PCDHGA8: variants seen among roughly 807,000 people sequenced by gnomAD.
PCDHGA8 encodes protocadherin gamma-A8.
A neutral mutation model predicts 59.2 loss-of-function variants in PCDHGA8; 45 were observed. The observed-to-expected ratio is 0.76, with a 90% CI of 0.60 to 0.98. The LOEUF is 0.98. PCDHGA8 is among the 50% of genes least tolerant of loss of function. PCDHGA8 has a pLI of 0.00. For missense variants in PCDHGA8, 1,257 were observed against 1,196.2 expected, an observed-to-expected ratio of 1.05 and a Z score of -0.75; for synonymous variants, 531 against 519.0, an observed-to-expected ratio of 1.02 and a Z score of -0.32.
In PCDHGA8 at chr5:141,491,443, G is replaced by C. The variant is rs955584868; in HGVS notation, c.2425-3364G>C. On this transcript the variant is annotated intron_variant, in intron 1 of 3. Transcript: ENST00000398604. This position sits in a 1 kb window ranked among gnomAD's most constrained non-coding sequence, Gnocchi z 6.9. ...TGGAGGGCAGTGCTGCAGGCGCCAG[G>C]ACTCACCCTCCCCGGACTTCTATAA... 1 of 1,613,998 alleles carries C rather than the reference G, an allele frequency of 6.2e-7. No homozygotes were observed. Among genetic ancestry groups the C allele is most frequent in the Admixed American group, 1.7e-5 (1 of 60,000 alleles).
At chr5:141,408,812 G>T (rs1383299883) in intron 1 of PCDHGA8, 2 of 1,613,454 alleles carry the variant, frequency 1.2e-6, no homozygotes, top group Non-Finnish European at 8.5e-7. Context: ...AGACCGGGAA[G>T]AACAGAGATC....
rs533568792 is a variant in PCDHGA8 at position 141,393,506 on chromosome 5, A to G, written c.693A>G (p.Thr231=). The G allele has an allele frequency of 7.4e-6, 12 of 1,614,032 alleles. No individual in the cohort carries two copies. The East Asian group carries it at 2.5e-4, about 33-fold the overall frequency. ...PRSSTVRIHV[T]VLDTNDNAPV... ...CTAGCACAGTGCGCATCCACGTGAC[A>G]GTGTTGGATACAAATGACAATGCCC... Residue 231 remains threonine, a synonymous_variant, in exon 1 of 4, where the codon ACA becomes ACG. Transcript: ENST00000398604.
intron 1 of PCDHGA8, chr5:141,428,153 CT>C (rs2097116745): frequency 6.3e-7 from 1 of 1,581,370 alleles, no homozygotes; most frequent in Admixed American, 1.7e-5. Flanking sequence ...ACACGGGAAC[CT>C]GCTGGTTGCT....
At chr5:141,422,997 C>T (rs114907564) in intron 1 of PCDHGA8, 28,679 of 1,614,218 alleles carry the variant, frequency 0.018, 311 homozygotes, top group Non-Finnish European at 0.021. Context: ...ACCTGGTGAC[C>T]AAGGTGGTTG....
At position 141,493,332 on chromosome 5, in the gene PCDHGA8, C is replaced by T. The variant is rs2099747680; in HGVS notation, c.2425-1475C>T. 6.6e-6 allele frequency among the ~76,000 whole-genome samples: 1 copy of T among 152,210 alleles called. No homozygotes were observed. The highest frequency in any genetic ancestry group is 1.5e-5 in the Non-Finnish European group (1 of 68,036). Reference sequence around the variant, plus strand: ...AAGAGAGATTCTAACCCCTGTCTAACTCCAGAATGTGTGCTTTTAATTTCT... The same window carrying T: ...AAGAGAGATTCTAACCCCTGTCTAATTCCAGAATGTGTGCTTTTAATTTCT... On this transcript the variant is annotated intron_variant, in intron 1 of 3. Transcript: ENST00000398604. This position sits in a 1 kb window ranked among gnomAD's most constrained non-coding sequence, Gnocchi z 4.3.
At chr5:141,420,256 TAAG>T (rs749213635) in intron 1 of PCDHGA8, 12 of 1,569,010 alleles carry the variant, frequency 7.6e-6, no homozygotes, top group South Asian at 1.2e-5. Context: ...TTGAAGCAGA[TAAG>T]AAGATTCTTA....
At chr5:141,455,013 C>T (rs1468289988) in intron 1 of PCDHGA8, among the ~76,000 whole-genome samples, 2 of 151,130 alleles carry the variant, frequency 1.3e-5, no homozygotes, top group African/African-American at 4.9e-5. Context: ...GGGGTTTCAC[C>T]GTGTTAGCCA....
rs186484297 is a variant in PCDHGA8 at position 141,453,739 on chromosome 5, A to G, written c.2425-41068A>G. ...TAAAAATATTTGTTACTACAGCTTA[A>G]ATAACATAAGTCTCCTAAAAATAAT... On this transcript the variant is annotated intron_variant, in intron 1 of 3. Coordinates refer to ENST00000398604, the MANE Select transcript of PCDHGA8 (RefSeq NM_032088.2). Among the ~76,000 whole-genome samples, 2 of 152,370 alleles carry G rather than the reference A, an allele frequency of 1.3e-5. 1 individual carries two copies. Among genetic ancestry groups the G allele is most frequent in the Admixed American group, 1.3e-4 (2 of 15,300 alleles).
rs1003050993 is a variant in PCDHGA8, at chr5:141,477,637, T to A, written c.2425-17170T>A. ...AAGGAGCTGAAACCGGGCTAGTGGG[T>A]CGCTATTTCACAATAAATCGTGACA... On this transcript the variant is annotated intron_variant, in intron 1 of 3. Transcript: ENST00000398604. This position sits in a 1 kb window ranked among gnomAD's most constrained non-coding sequence, Gnocchi z 4.9. 6.2e-7 allele frequency: 1 copy of A among 1,614,154 alleles called. No individual in the cohort carries two copies. Among genetic ancestry groups the A allele is most frequent in the African/African-American group, 1.3e-5 (1 of 75,040 alleles).
chr5:141,483,892 A>C (rs1463395859), intron 1 of PCDHGA8, among the ~76,000 whole-genome samples: 1 of 151,652 alleles, frequency 6.6e-6, no homozygotes, highest in Non-Finnish European at 1.5e-5. Flanking sequence ...TATTTCTCTG[A>C]GCTCTGGTGT....
In PCDHGA8 at chr5:141,392,738, T is replaced by C. The variant is rs2150490352; in HGVS notation, c.-76T>C. 4.2e-6 allele frequency: 6 copies of C among 1,433,676 alleles called. No individual in the cohort carries two copies. Among genetic ancestry groups the C allele is most frequent in the Non-Finnish European group, 5.5e-6 (6 of 1,089,604 alleles). 88.8% of individuals were successfully genotyped at this position (1,433,676 alleles called of 1,614,324 possible). On this transcript the variant is annotated 5_prime_UTR_variant, in exon 1 of 4. It removes the in-frame stop codon of an upstream open reading frame in the 5' UTR. Coordinates refer to ENST00000398604, the MANE Select transcript of PCDHGA8 (RefSeq NM_032088.2). ...GGTTTCCGGAGGATTGTCATCTCCA[T>C]AGCTGCGGCAAGAAACTAAATAAGA... is the stretch of plus-strand genomic sequence containing the variant.
intron 1 of PCDHGA8, chr5:141,413,462 G>C (rs750915907): frequency 1.9e-6 from 3 of 1,614,120 alleles, no homozygotes; most frequent in Non-Finnish European, 2.5e-6. Flanking sequence ...AGGATAGACC[G>C]GGAGGAGCTC....
At chr5:141,506,252 C>T (rs1158047426) in intron 3 of PCDHGA8, among the ~76,000 whole-genome samples, 1 of 151,968 alleles carries the variant, frequency 6.6e-6, no homozygotes, top group African/African-American at 2.4e-5. Flanking sequence ...AGTTCGAAAC[C>T]GGCCTGGCCA....
intron 1 of PCDHGA8, chr5:141,414,787 G>T (rs372484037): frequency 6.2e-7 from 1 of 1,614,230 alleles, no homozygotes; most frequent in Admixed American, 1.7e-5. Context: ...GCAGGTGACA[G>T]CCAGCGACAG....
intron 1 of PCDHGA8, chr5:141,478,437 A>G (rs2099455876): frequency 6.2e-7 from 1 of 1,613,758 alleles, no homozygotes; most frequent in African/African-American, 1.3e-5. Flanking sequence ...CCGCTGCTGA[A>G]GAAACCTGGT....
intron 1 of PCDHGA8, chr5:141,440,448 A>G (rs2098178859): frequency 6.6e-6 from 1 of 152,168 alleles, no homozygotes; most frequent in East Asian, 1.9e-4. Context: ...CGCCATCTCA[A>G]AAAAAATGAA....
At chr5:141,443,820 T>A (rs1329478151) in intron 1 of PCDHGA8, among the ~76,000 whole-genome samples, 1 of 151,986 alleles carries the variant, frequency 6.6e-6, no homozygotes, top group Non-Finnish European at 1.5e-5. Context: ...TTGGAAAACA[T>A]AATTAGGTAA....
At chr5:141,412,932 T>C (rs2095590399) in intron 1 of PCDHGA8, 3 of 453,328 alleles carry the variant, frequency 6.6e-6, no homozygotes, top group South Asian at 1.0e-4. Flanking sequence ...AGTAACTTCT[T>C]AGGACTCTGA....
intron 1 of PCDHGA8, chr5:141,422,889 G>A (rs62378455): frequency 0.035 from 55,863 of 1,614,202 alleles, 1,109 homozygotes; most frequent in Middle Eastern, 0.098. Context: ...TGTTCGTGCT[G>A]GACCAGAACG....
Sources: gnomAD v4.1 joint callset for allele counts (sites outside exome capture counted in the v4.1 genomes callset) on GRCh38, gnomAD v4.1.1 for gene constraint, Gnocchi (gnomAD v3.1) non-coding constraint, MANE v1.5 for transcripts, NCBI Gene and HGNC (gene_info 2026-07-23, HGNC 2026-07-21) for gene names.